Variants in NLRC3 observed in about 807,000 individuals in gnomAD.
NLRC3 encodes the protein NLR family CARD domain containing 3, also known as NLR family CARD domain-containing protein 3.
In NLRC3, 87 loss-of-function variants were observed where a neutral mutation model predicts 91.6. The observed-to-expected ratio is 0.95, with a 90% CI of 0.80 to 1.14. The LOEUF is 1.14. NLRC3 is among the 50% of genes most tolerant of loss of function. NLRC3 has a pLI of 0.00. For synonymous variants in NLRC3, 694 were observed against 625.3 expected (o/e 1.11, Z -1.64); for missense variants, 1,577 against 1,418.6 (o/e 1.11, Z -1.79).
At chr16:3,553,490 C>A (rs751452835) in intron 9 of NLRC3, among the ~76,000 whole-genome samples, 1 of 152,192 alleles carries the variant, frequency 6.6e-6, no homozygotes, top group East Asian at 1.9e-4. Flanking sequence ...CTCCAATTAT[C>A]TGCTGTATTT....
rs201734632 is a variant in NLRC3, at chr16:3,564,092, C to G, written c.845G>C (p.Arg282Pro). 18 of 1,613,444 alleles carry G rather than the reference C, an allele frequency of 1.1e-5. No homozygotes were observed. The highest frequency in any genetic ancestry group is 1.6e-4 in the Middle Eastern group (1 of 6,084). ...GTTAAAGCCCCGGATCTCCGTCATC[C>G]GGTCCACCAGGCCCCCTGGGATCTG... ...SGQIPGGLVD[R>P]MTEIRGFNEE... The change falls in exon 5 of 20, where the codon CGG becomes CCG. Residue 282 changes from arginine (R) to proline (P), a missense_variant. Arg to Pro is a moderately radical substitution (Grantham distance 103). Coordinates refer to ENST00000359128, the MANE Select transcript of NLRC3 (RefSeq NM_178844.4). The surrounding 1 kb of genome is among the most constrained non-coding windows in gnomAD (Gnocchi z 5.9).
intron 9 of NLRC3, 87 bp downstream of exon 9, chr16:3,554,154 AT>A: frequency 9.7e-7 from 1 of 1,028,550 alleles, no homozygotes; most frequent in Non-Finnish European, 1.5e-6. Context: ...AGCCCCATCC[AT>A]TCTTCCTAGC....
chr16:3,554,939 G>C (rs941682511), intron 8 of NLRC3, among the ~76,000 whole-genome samples: 2 of 152,132 alleles, frequency 1.3e-5, no homozygotes, highest in African/African-American at 4.8e-5. Flanking sequence ...CCTTAAAACA[G>C]AGGGAAGAGG....
Position 3,567,514 on chromosome 16 carries a change from C to T in NLRC3, c.-168-190G>A, listed in dbSNP as rs2039928325. On this transcript the variant is annotated intron_variant, in intron 1 of 19. Transcript: ENST00000359128. ...TTAGGCTGGGCGGTGTGGCTCACGC[C>T]TGTAATCCCAGCATTTTGGGAGGCT... 3 of 152,272 alleles carry T rather than the reference C, an allele frequency of 2.0e-5. No individual in the cohort carries two copies. The South Asian group carries it at 6.2e-4, about 32-fold the overall frequency. The allele number at this position is 152,272 out of a possible 1,614,324, so 9.4% of individuals were successfully genotyped here. A position where few individuals can be genotyped will look rare whatever the true frequency, so the allele number is the denominator to read the frequency against.
chr16:3,552,934 G>T (rs113851606), intron 9 of NLRC3, among the ~76,000 whole-genome samples: 1 of 151,958 alleles, frequency 6.6e-6, no homozygotes, highest in Non-Finnish European at 1.5e-5. Flanking sequence ...GCGAGACTCC[G>T]TCTCAAATAA....
chr16:3,549,760 C>T lies in NLRC3; in HGVS notation c.2456G>A (p.Ser819Asn). ...ESLDLQSNSISDAGVAALMGA... is the reference protein window; with the variant it reads ...ESLDLQSNSINDAGVAALMGA... ...CATCAGTGCTGCCACTCCTGCGTCA[C>T]TGATGGAATTGCTCTGCAGGCTGCG... is the stretch of plus-strand genomic sequence containing the variant. Residue 819 changes from serine to asparagine, a missense_variant, in exon 12 of 20, where the codon AGT becomes AAT. Transcript: ENST00000359128. 1 of 1,551,048 alleles carries T rather than the reference C, an allele frequency of 6.4e-7. No individual in the cohort carries two copies. Among genetic ancestry groups the T allele is most frequent in the South Asian group, 1.2e-5 (1 of 84,044 alleles).
chr16:3,573,878 G>A (rs2151109253), intron 1 of NLRC3, among the ~76,000 whole-genome samples: 1 of 152,150 alleles, frequency 6.6e-6, no homozygotes, highest in South Asian at 2.1e-4. Flanking sequence ...GAGTGCAGTG[G>A]TACGATCTTG....
rs767345093 is a variant in NLRC3 at position 3,563,991 on chromosome 16, C to G, written c.946G>C (p.Val316Leu). ...AGGTACAGGGCCCTGTCAGCCTGCA[C>G]TTGGCTCAGCATCCAGCCCAGAAGG... is the stretch of plus-strand genomic sequence containing the variant. ...QALLGWMLSQVQADRALYLMC... is the reference protein window; with the variant it reads ...QALLGWMLSQLQADRALYLMC... Residue 316 changes from valine (V) to leucine (L), a missense_variant, in exon 5 of 20, where the codon GTG (valine) becomes CTG (leucine). Transcript: ENST00000359128. 1.5e-5 allele frequency: 24 copies of G among 1,606,880 alleles called. No homozygotes were observed. Among genetic ancestry groups the G allele is most frequent in the Non-Finnish European group, 8.5e-6 (10 of 1,179,128 alleles).
rs1046882213 is a variant in NLRC3 at position 3,542,354 on chromosome 16, C to G, written c.3024-80G>C. On this transcript the variant is annotated intron_variant, in intron 18 of 19. Coordinates refer to ENST00000359128, the MANE Select transcript of NLRC3 (RefSeq NM_178844.4). ...ACCCGGGGAAGCAACAGTGCATTGTCTGGGGGCAGTAACCCAGGCAGATGT... is the reference window on the plus strand; with the variant it reads ...ACCCGGGGAAGCAACAGTGCATTGTGTGGGGGCAGTAACCCAGGCAGATGT... The G allele has an allele frequency of 1.3e-5, 11 of 875,718 alleles. No homozygotes were observed. The African/African-American group carries it at 1.8e-4, about 15-fold the overall frequency. The allele number at this position is 875,718 out of a possible 1,614,324, so 54.2% of individuals were successfully genotyped here. A position where few individuals can be genotyped will look rare whatever the true frequency, so the allele number is the denominator to read the frequency against.
At chr16:3,559,851 C>A (rs1311584682) in intron 6 of NLRC3, among the ~76,000 whole-genome samples, 2 of 151,826 alleles carry the variant, frequency 1.3e-5, no homozygotes, top group Non-Finnish European at 2.9e-5. Flanking sequence ...CCAGTTTGAC[C>A]AGGCTGGTCT....
chr16:3,560,431 A>C (rs2039554733), intron 6 of NLRC3, among the ~76,000 whole-genome samples: 3 of 152,010 alleles, frequency 2.0e-5, no homozygotes, highest in African/African-American at 7.2e-5. Flanking sequence ...TCAAAACAAA[A>C]AAAAAAACAA....
chr16:3,556,652 C>T (rs1421376173), intron 8 of NLRC3, among the ~76,000 whole-genome samples: 2 of 152,144 alleles, frequency 1.3e-5, no homozygotes, highest in Non-Finnish European at 2.9e-5. Context: ...TTACAGGCAC[C>T]TGCCACCACG....
In NLRC3 at chr16:3,564,324, T is replaced by C. The variant is rs199475935; in HGVS notation, c.613A>G (p.Ser205Gly). 940 of 1,611,690 alleles carry C rather than the reference T, an allele frequency of 5.8e-4. 7 individuals are homozygous for C. In the African/African-American group the frequency reaches 0.011, roughly 19 times the overall value. The change falls in exon 5 of 20, where the codon AGC becomes GGC. Residue 205 changes from serine to glycine, a missense_variant. Coordinates refer to ENST00000359128, the MANE Select transcript of NLRC3 (RefSeq NM_178844.4). The surrounding 1 kb of genome is among the most constrained non-coding windows in gnomAD (Gnocchi z 5.9). ...CSVFPHVGEP[S>G]LAVAVPARAL... is the part of the protein sequence containing the mutation. ...CTGGCTGGGACTGCCACCGCCAGGC[T>C]GGGCTCCCCGACGTGCGGGAAGACC...
chr16:3,552,102 C>T lies in NLRC3; in HGVS notation c.2351+94G>A, dbSNP rs535954069. 2.0e-5 allele frequency: 15 copies of T among 765,554 alleles called. No individual in the cohort carries two copies. In the South Asian group the frequency reaches 2.0e-4, roughly 10 times the overall value. The allele number at this position is 765,554 out of a possible 1,614,324, so 47.4% of individuals were successfully genotyped here. A position where few individuals can be genotyped will look rare whatever the true frequency, so the allele number is the denominator to read the frequency against. ...CCATCCATTCACCTATCCATCAATC[C>T]ATCCATCCATCCTCAGGCTCACAAA... On this transcript the variant is annotated intron_variant, in intron 10 of 19. Transcript: ENST00000359128.
chr16:3,542,436 C>T (rs142562709), intron 18 of NLRC3, among the ~76,000 whole-genome samples, 162 bp from the exon 19 acceptor site: 243 of 152,250 alleles, frequency 1.6e-3, no homozygotes, highest in East Asian at 0.012. Context: ...CAGGTGTCTA[C>T]GAGTGGCCAG....
intron 11 of NLRC3, 120 bp from the exon 12 acceptor site, chr16:3,549,900 G>T (rs1266772268): frequency 3.1e-6 from 2 of 641,112 alleles, no homozygotes; most frequent in Non-Finnish European, 5.5e-6. Flanking sequence ...CAGGGACAGT[G>T]GTGGCCACAC....
chr16:3,564,874 C>G lies in NLRC3; in HGVS notation c.163G>C (p.Gly55Arg). The stretch of plus-strand genomic sequence containing the variant: ...CCGGTCCTACCATTGCTGCAGGGCC[C>G]CAGCGGGGCATCCGGTGTCCTATCC... ...ALDRTPDAPLGPCSNDSRIQR... is the reference protein window; with the variant it reads ...ALDRTPDAPLRPCSNDSRIQR... The change falls in exon 4 of 20, where the codon GGG (glycine) becomes CGG (arginine). Residue 55 changes from glycine to arginine, a missense_variant. Coordinates refer to ENST00000359128, the MANE Select transcript of NLRC3 (RefSeq NM_178844.4). The surrounding 1 kb of genome is among the most constrained non-coding windows in gnomAD (Gnocchi z 5.9). The G allele has an allele frequency of 6.2e-7, 1 of 1,607,036 alleles. No homozygotes were observed. The highest frequency in any genetic ancestry group is 8.5e-7 in the Non-Finnish European group (1 of 1,178,132).
At position 3,562,846 on chromosome 16, in the gene NLRC3, A is replaced by G. The variant is rs199476277; in HGVS notation, c.1928+163T>C. On this transcript the variant is annotated intron_variant, in intron 5 of 19. Coordinates refer to ENST00000359128, the MANE Select transcript of NLRC3 (RefSeq NM_178844.4). ...TGATTTGAGACTTCTGGCCTCCAGA[A>G]CTGCGAGAAAACACACTTTAGTTGT... 1.4e-6 allele frequency: 1 copy of G among 737,772 alleles called. No homozygotes were observed. The highest frequency in any genetic ancestry group is 2.7e-5 in the East Asian group (1 of 37,390). 45.7% of individuals were successfully genotyped at this position (737,772 alleles called of 1,614,324 possible).
At chr16:3,568,678 G>A (rs2039976511) in intron 1 of NLRC3, among the ~76,000 whole-genome samples, 1 of 152,154 alleles carries the variant, frequency 6.6e-6, no homozygotes, top group Non-Finnish European at 1.5e-5. Flanking sequence ...AATGAGCAGA[G>A]ATTGCACCAT....
Sources: gnomAD v4.1 joint callset for allele counts (sites outside exome capture counted in the v4.1 genomes callset) on GRCh38, gnomAD v4.1.1 for gene constraint, Gnocchi (gnomAD v3.1) non-coding constraint, MANE v1.5 for transcripts, NCBI Gene and HGNC (gene_info 2026-07-23, HGNC 2026-07-21) for gene names.